The following WSB2 variants were observed in gnomAD, a reference collection of about 807,000 sequenced individuals.
WSB2 encodes WD repeat and SOCS box containing 2, also known as WD repeat and SOCS box-containing protein 2.
A neutral mutation model predicts 48.8 loss-of-function variants in WSB2; 12 were observed. The ratio of observed to expected loss-of-function variants is 0.25; its 90% CI spans 0.16 to 0.40. WSB2 has a LOEUF of 0.40. WSB2 is among the 10% of genes least tolerant of loss of function. WSB2 has a pLI of 1.00. For missense variants in WSB2, 317 were observed against 506.2 expected, an observed-to-expected ratio of 0.63 and a Z score of 3.59; for synonymous variants, 191 against 203.1, an observed-to-expected ratio of 0.94 and a Z score of 0.51.
At chr12:118,049,601 C>T (rs1161958708) in intron 2 of WSB2, among the ~76,000 whole-genome samples, 3 of 152,110 alleles carry the variant, frequency 2.0e-5, no homozygotes, top group Non-Finnish European at 4.4e-5. Flanking sequence ...CAGGGTTTCA[C>T]CATGTTGGCC....
upstream of WSB2, chr12:118,061,261 A>C: frequency 2.4e-6 from 2 of 819,998 alleles, no homozygotes; most frequent in Non-Finnish European, 2.9e-6. Context: ...GGACGGGATA[A>C]AAACGGTGGG....
upstream of WSB2, among the ~76,000 whole-genome samples, chr12:118,061,373 A>G (rs1339776053): frequency 1.3e-3 from 165 of 123,996 alleles, 3 homozygotes; most frequent in African/African-American, 4.9e-3. Flanking sequence ...AGACGCGCGA[A>G]CCAGATAAAA....
chr12:118,061,301 G>A, upstream of WSB2: 1 of 642,510 alleles, frequency 1.6e-6, no homozygotes, highest in Non-Finnish European at 1.9e-6. Context: ...TGGAAAATCG[G>A]GGAGGCGGTA....
rs1476430365 is a variant in WSB2, at chr12:118,033,024, T to C, written c.*1172A>G. The C allele has an allele frequency of 6.6e-6, 1 of 152,200 alleles. No individual in the cohort carries two copies. The highest frequency in any genetic ancestry group is 1.5e-5 in the Non-Finnish European group (1 of 68,040). 9.4% of individuals were successfully genotyped at this position (152,200 alleles called of 1,614,324 possible). On this transcript the variant is annotated 3_prime_UTR_variant, in exon 9 of 9. Coordinates refer to ENST00000315436, the MANE Select transcript of WSB2 (RefSeq NM_018639.5). The stretch of plus-strand genomic sequence containing the variant: ...ATTCCTCAACTTTCTCAACGAGTCA[T>C]GTAACGTTACACTGGCCTCCATAAA...
chr12:118,044,759 G>T (rs2031712078), intron 2 of WSB2, among the ~76,000 whole-genome samples: 3 of 152,120 alleles, frequency 2.0e-5, no homozygotes, highest in African/African-American at 7.2e-5. Context: ...CCGGCCCTGG[G>T]GTTGAGCCTG....
Position 118,047,412 on chromosome 12 carries a change from A to G in WSB2, c.183-4035T>C, listed in dbSNP as rs1684147349. ...CAGAATTTAGCTTCACTGAAGTTAA[A>G]GTTTCTAAAAACTTTATTTCAAAAA... is the stretch of plus-strand genomic sequence containing the variant. On this transcript the variant is annotated intron_variant, in intron 2 of 8. Transcript: ENST00000315436. Among the ~76,000 whole-genome samples the G allele has an allele frequency of 5.9e-5, 9 of 152,360 alleles. No individual in the cohort carries two copies. In the South Asian group the frequency reaches 1.9e-3, roughly 32 times the overall value.
chr12:118,060,928 G>GC lies in WSB2; in HGVS notation c.13+107dup. ...AGGCCGGACGCCCCCGCCGCGTCCAGCCCCCGCCCCACCCCGCCCAGCCCG... is the reference window on the plus strand; with the variant it reads ...AGGCCGGACGCCCCCGCCGCGTCCAGCCCCCCGCCCCACCCCGCCCAGCCCG... On this transcript the variant is annotated intron_variant, in intron 1 of 8. Coordinates refer to ENST00000315436, the MANE Select transcript of WSB2 (RefSeq NM_018639.5). This position sits in a 1 kb window ranked among gnomAD's most constrained non-coding sequence, Gnocchi z 4.1. 1 of 478,290 alleles carries GC rather than the reference G, an allele frequency of 2.1e-6. No homozygotes were observed. Among genetic ancestry groups the GC allele is most frequent in the Non-Finnish European group, 2.7e-6 (1 of 366,942 alleles). 29.6% of individuals were successfully genotyped at this position (478,290 alleles called of 1,614,324 possible).
chr12:118,048,242 T>G (rs549562321), intron 2 of WSB2, among the ~76,000 whole-genome samples: 63 of 152,186 alleles, frequency 4.1e-4, no homozygotes, highest in Admixed American at 3.3e-3. Context: ...TAGCCTGTTT[T>G]TTTTCAATAA....
intron 1 of WSB2, among the ~76,000 whole-genome samples, chr12:118,059,904 C>G (rs1027044743): frequency 1.3e-5 from 2 of 152,122 alleles, no homozygotes; most frequent in African/African-American, 4.8e-5. Flanking sequence ...GTAACACCAC[C>G]CCAGGGAATA....
intron 3 of WSB2, 29 bp from the exon 4 acceptor site, chr12:118,043,001 G>C (rs2031670083): frequency 1.2e-6 from 2 of 1,613,978 alleles, no homozygotes; most frequent in South Asian, 2.2e-5. Context: ...CACTGAGTCA[G>C]CCAGAGAGGG....
intron 1 of WSB2, among the ~76,000 whole-genome samples, chr12:118,054,390 CA>C (rs991285316): frequency 6.9e-6 from 1 of 145,394 alleles, no homozygotes; most frequent in African/African-American, 2.6e-5. Flanking sequence ...GACTCTGTCT[CA>C]AAAAAAAATT....
intron 1 of WSB2, among the ~76,000 whole-genome samples, chr12:118,059,418 CG>C (rs2032022411): frequency 6.6e-6 from 1 of 152,000 alleles, no homozygotes; most frequent in African/African-American, 2.4e-5. Context: ...ACATAGTAGA[CG>C]TTCAACAAAT....
At chr12:118,035,801 T>C (rs1470574328) in intron 6 of WSB2, 3 of 167,470 alleles carry the variant, frequency 1.8e-5, no homozygotes, top group African/African-American at 7.2e-5. Context: ...AGAGTCATAT[T>C]GAGGCTTCAT....
intron 8 of WSB2, 24 bp from the exon 9 acceptor site, chr12:118,034,382 C>G: frequency 6.2e-7 from 1 of 1,610,578 alleles, no homozygotes; most frequent in Non-Finnish European, 8.5e-7. Context: ...GAAACCGATG[C>G]TAAGACAGAG....
chr12:118,059,782 G>C (rs946279860), intron 1 of WSB2, among the ~76,000 whole-genome samples: 4 of 152,170 alleles, frequency 2.6e-5, no homozygotes, highest in Non-Finnish European at 5.9e-5. Context: ...GAATTCTACG[G>C]GTAACACTCA....
rs181860920 is a variant in WSB2 at position 118,057,107 on chromosome 12, G to A, written c.13+3929C>T. On this transcript the variant is annotated intron_variant, in intron 1 of 8. Coordinates refer to ENST00000315436, the MANE Select transcript of WSB2 (RefSeq NM_018639.5). ...CAGTGACTCCTGTCTCTTGGAGTCT[G>A]GGCCCAAACTAAACTTGGCTACACG... 7.9e-5 allele frequency among the ~76,000 whole-genome samples: 12 copies of A among 152,226 alleles called. No homozygotes were observed. In the East Asian group the frequency reaches 1.7e-3, roughly 22 times the overall value.
chr12:118,038,832 C>T (rs1048353648), intron 4 of WSB2, among the ~76,000 whole-genome samples: 1 of 152,158 alleles, frequency 6.6e-6, no homozygotes, highest in African/African-American at 2.4e-5. Context: ...AGGGATGTGC[C>T]ACTGCGCCCA....
In WSB2 at chr12:118,035,024, G is replaced by C; in HGVS notation, c.1014C>G (p.Cys338Trp). ...CTCCACCATGTGGAAAAAATGTGCA[G>C]CAAAGCCCATTGGTCATAGGAGCAA... ...IAFAPMTNGL[C>W]CTFFPHGGVI... The change falls in exon 8 of 9, where the codon TGC becomes TGG. Residue 338 changes from cysteine to tryptophan, a missense_variant. Transcript: ENST00000315436. The C allele has an allele frequency of 6.2e-7, 1 of 1,614,138 alleles. No individual in the cohort carries two copies. Among genetic ancestry groups the C allele is most frequent in the Non-Finnish European group, 8.5e-7 (1 of 1,180,030 alleles).
intron 2 of WSB2, among the ~76,000 whole-genome samples, chr12:118,048,546 C>T (rs893972477): frequency 8.0e-5 from 12 of 150,424 alleles, no homozygotes; most frequent in African/African-American, 2.7e-4. Flanking sequence ...AGATGCGCCA[C>T]TACACTCTGG....
Sources: gnomAD v4.1 joint callset for allele counts (sites outside exome capture counted in the v4.1 genomes callset) on GRCh38, gnomAD v4.1.1 for gene constraint, Gnocchi (gnomAD v3.1) non-coding constraint, MANE v1.5 for transcripts, NCBI Gene and HGNC (gene_info 2026-07-23, HGNC 2026-07-21) for gene names.